The following SLC35B4 variants were observed in gnomAD, a reference collection of about 807,000 sequenced individuals.
The protein encoded by SLC35B4 is nucleotide sugar transporter SLC35B4.
In SLC35B4, 28 loss-of-function variants were observed where a neutral mutation model predicts 39.5. The observed-to-expected ratio is 0.71, with a 90% CI of 0.53 to 0.97. SLC35B4 has a LOEUF of 0.97. Ranked by LOEUF, SLC35B4 falls within the 50% of genes least tolerant of loss-of-function variation. SLC35B4 has a pLI of 0.00. For missense variants in SLC35B4, 334 were observed against 414.3 expected (o/e 0.81, Z 1.68); for synonymous variants, 145 against 150.4 (o/e 0.96, Z 0.26).
At chr7:134,318,538 A>T (rs943326130), upstream of SLC35B4, among the ~76,000 whole-genome samples, 64 of 152,262 alleles carry the variant, frequency 4.2e-4, no homozygotes, top group East Asian at 1.2e-3. Flanking sequence ...TCTACCTCAG[A>T]CCAAGTAAAG....
At chr7:134,319,680 T>C (rs1411587271), upstream of SLC35B4, among the ~76,000 whole-genome samples, 1 of 152,220 alleles carries the variant, frequency 6.6e-6, no homozygotes, top group Non-Finnish European at 1.5e-5. Context: ...TGTTCACTAA[T>C]GTTTCCCTGT....
chr7:134,297,845 A>C (rs1306638964), intron 8 of SLC35B4, among the ~76,000 whole-genome samples: 1 of 152,160 alleles, frequency 6.6e-6, no homozygotes, highest in Non-Finnish European at 1.5e-5. Flanking sequence ...AGACCAATCT[A>C]CCATTCTGGG....
At chr7:134,308,738 G>A (rs1803768069) in intron 2 of SLC35B4, among the ~76,000 whole-genome samples, 1 of 152,124 alleles carries the variant, frequency 6.6e-6, no homozygotes, top group African/African-American at 2.4e-5. Context: ...TCAGCAAGAA[G>A]GCTGAGTTTT....
At chr7:134,296,296 T>C in intron 9 of SLC35B4, 95 bp downstream of exon 9, 2 of 1,109,230 alleles carry the variant, frequency 1.8e-6, no homozygotes, top group Non-Finnish European at 2.7e-6. Context: ...AAAATCATAT[T>C]CAAGTCAACA....
At chr7:134,316,986 C>T (rs1244346619), upstream of SLC35B4, 2 of 554,708 alleles carry the variant, frequency 3.6e-6, no homozygotes, top group Non-Finnish European at 6.4e-6. Flanking sequence ...CGTCCGAGCC[C>T]CGGCCAGACT....
At chr7:134,295,326 G>T (rs987742160) in intron 9 of SLC35B4, 9 of 446,814 alleles carry the variant, frequency 2.0e-5, no homozygotes, top group Admixed American at 3.4e-5. Flanking sequence ...GTCTTCCTAT[G>T]GTTACAATGA....
chr7:134,289,879 C>T lies in SLC35B4; in HGVS notation c.*4954G>A, dbSNP rs1457717337. On this transcript the variant is annotated 3_prime_UTR_variant, in exon 10 of 10. Transcript: ENST00000378509. ...TTTCTTTTTTCACGTATCTCTGGCT[C>T]CCTTGCAACTTGCCTCACTTGATTA... 2 of 152,074 alleles carry T rather than the reference C, an allele frequency of 1.3e-5. No homozygotes were observed. Among genetic ancestry groups the T allele is most frequent in the Non-Finnish European group, 2.9e-5 (2 of 68,020 alleles). 9.4% of individuals were successfully genotyped at this position (152,074 alleles called of 1,614,324 possible). A position where few individuals can be genotyped will look rare whatever the true frequency, so the allele number is the denominator to read the frequency against.
At chr7:134,296,541 A>G in intron 8 of SLC35B4, 75 bp from the exon 9 acceptor site, 1 of 1,004,960 alleles carries the variant, frequency 1.0e-6, no homozygotes, top group East Asian at 2.5e-5. Context: ...ACAGGGTAAT[A>G]CAGACTGAAC....
rs1803323213 is a variant in SLC35B4 at position 134,291,231 on chromosome 7, T to TG, written c.*3601_*3602insC. On this transcript the variant is annotated 3_prime_UTR_variant, in exon 10 of 10. Coordinates refer to ENST00000378509, the MANE Select transcript of SLC35B4 (RefSeq NM_032826.5). ...TTAACCCTTCACATTCATCGTCATC[T>TG]ACAGATATGGCATTCACACATTCTG... 1 of 152,222 alleles carries TG rather than the reference T, an allele frequency of 6.6e-6. No individual in the cohort carries two copies. The highest frequency in any genetic ancestry group is 1.5e-5 in the Non-Finnish European group (1 of 68,040). 9.4% of individuals were successfully genotyped at this position (152,222 alleles called of 1,614,324 possible).
intron 8 of SLC35B4, chr7:134,299,199 G>A (rs148804249): frequency 7.2e-5 from 14 of 195,534 alleles, no homozygotes; most frequent in South Asian, 2.0e-4. Flanking sequence ...GCCCAACTTC[G>A]CAGGGCTCCA....
chr7:134,290,853 G>GA lies in SLC35B4; in HGVS notation c.*3979dup, dbSNP rs1265857980. ...TAATGCTATTTACTCCAGGCAAAGAGAAAATACAACAGACATAGGATCTTG... is the reference window on the plus strand; with the variant it reads ...TAATGCTATTTACTCCAGGCAAAGAGAAAAATACAACAGACATAGGATCTTG... On this transcript the variant is annotated 3_prime_UTR_variant, in exon 10 of 10. Transcript: ENST00000378509. 1 of 152,178 alleles carries GA rather than the reference G, an allele frequency of 6.6e-6. No homozygotes were observed. Among genetic ancestry groups the GA allele is most frequent in the Non-Finnish European group, 1.5e-5 (1 of 68,022 alleles). The allele number at this position is 152,178 out of a possible 1,614,324, so 9.4% of individuals were successfully genotyped here. A position where few individuals can be genotyped will look rare whatever the true frequency, so the allele number is the denominator to read the frequency against.
At position 134,294,703 on chromosome 7, in the gene SLC35B4, T is replaced by A. The variant is rs1312493452; in HGVS notation, c.*130A>T. On this transcript the variant is annotated 3_prime_UTR_variant, in exon 10 of 10. Transcript: ENST00000378509. ...CTGAGCAACGTGAGAAGTCCCCTCCTGAAGATTTCCTTTTGCACGGCTGGC... is the reference window on the plus strand; with the variant it reads ...CTGAGCAACGTGAGAAGTCCCCTCCAGAAGATTTCCTTTTGCACGGCTGGC... 2.5e-6 allele frequency: 3 copies of A among 1,212,182 alleles called. No homozygotes were observed. The East Asian group carries it at 7.3e-5, about 30-fold the overall frequency. The allele number at this position is 1,212,182 out of a possible 1,614,324, so 75.1% of individuals were successfully genotyped here.
Position 134,316,594 on chromosome 7 carries a change from G to A in SLC35B4, c.77+81C>T, listed in dbSNP as rs531025526. ...GGCGGCGGGGTGGGGACAGGGCGTG[G>A]GCGCGTCCCGGGGGGACCTCTCCTC... On this transcript the variant is annotated intron_variant, in intron 1 of 9. Coordinates refer to ENST00000378509, the MANE Select transcript of SLC35B4 (RefSeq NM_032826.5). The A allele has an allele frequency of 2.3e-4, 329 of 1,436,514 alleles. No individual in the cohort carries two copies. The African/African-American group carries it at 3.4e-3, about 15-fold the overall frequency. 89.0% of individuals were successfully genotyped at this position (1,436,514 alleles called of 1,614,324 possible).
Position 134,316,811 on chromosome 7 carries a change from C to T in SLC35B4, c.-60G>A. 6 of 1,512,174 alleles carry T rather than the reference C, an allele frequency of 4.0e-6. No individual in the cohort carries two copies. In the South Asian group the frequency reaches 6.0e-5, roughly 15 times the overall value. The allele number at this position is 1,512,174 out of a possible 1,614,324, so 93.7% of individuals were successfully genotyped here. A position where few individuals can be genotyped will look rare whatever the true frequency, so the allele number is the denominator to read the frequency against. ...GTAAGCGCCCGCCTGTACCGCTACCCCAGGAAGCCGGCCTCCTGCCTCTTC... is the reference window on the plus strand; with the variant it reads ...GTAAGCGCCCGCCTGTACCGCTACCTCAGGAAGCCGGCCTCCTGCCTCTTC... On this transcript the variant is annotated 5_prime_UTR_variant, in exon 1 of 10. Coordinates refer to ENST00000378509, the MANE Select transcript of SLC35B4 (RefSeq NM_032826.5).
Position 134,290,886 on chromosome 7 carries a change from C to A in SLC35B4, c.*3947G>T, listed in dbSNP as rs59201888. On this transcript the variant is annotated 3_prime_UTR_variant, in exon 10 of 10. Coordinates refer to ENST00000378509, the MANE Select transcript of SLC35B4 (RefSeq NM_032826.5). ...AACAGACATAGGATCTTGATTTCAA[C>A]GTAGTTCTCCTCCATGTGCATTTCT... 1.3e-5 allele frequency: 2 copies of A among 152,178 alleles called. No individual in the cohort carries two copies. The highest frequency in any genetic ancestry group is 2.9e-5 in the Non-Finnish European group (2 of 68,028). The allele number at this position is 152,178 out of a possible 1,614,324, so 9.4% of individuals were successfully genotyped here.
At position 134,291,702 on chromosome 7, in the gene SLC35B4, A is replaced by G. The variant is rs1803332562; in HGVS notation, c.*3131T>C. On this transcript the variant is annotated 3_prime_UTR_variant, in exon 10 of 10. Transcript: ENST00000378509. The stretch of plus-strand genomic sequence containing the variant: ...TGGAAAGGAGGAAAAAACTAAAAAC[A>G]AAGTATTTGGATTTGTCTAAATACT... 1 of 152,250 alleles carries G rather than the reference A, an allele frequency of 6.6e-6. No individual in the cohort carries two copies. The highest frequency in any genetic ancestry group is 6.5e-5 in the Admixed American group (1 of 15,288). 9.4% of individuals were successfully genotyped at this position (152,250 alleles called of 1,614,324 possible). A position where few individuals can be genotyped will look rare whatever the true frequency, so the allele number is the denominator to read the frequency against.
At chr7:134,311,784 T>C (rs538086928) in intron 1 of SLC35B4, among the ~76,000 whole-genome samples, 7 of 152,290 alleles carry the variant, frequency 4.6e-5, no homozygotes, top group Admixed American at 1.3e-4. Flanking sequence ...GATTGTCACA[T>C]GCAGCCAGGT....
rs546537504 is a variant in SLC35B4 at position 134,312,574 on chromosome 7, C to G, written c.78-3095G>C. Among the ~76,000 whole-genome samples the G allele has an allele frequency of 5.9e-5, 9 of 152,242 alleles. No individual in the cohort carries two copies. The South Asian group carries it at 1.7e-3, about 28-fold the overall frequency. ...TTCGGGTCAGTGACCCACCTTTACT[C>G]AAGCAAGAGAATGAATGTGAGGGTT... On this transcript the variant is annotated intron_variant, in intron 1 of 9. Coordinates refer to ENST00000378509, the MANE Select transcript of SLC35B4 (RefSeq NM_032826.5).
intron 3 of SLC35B4, among the ~76,000 whole-genome samples, chr7:134,305,284 T>C (rs1037781161): frequency 2.0e-4 from 31 of 151,762 alleles, no homozygotes; most frequent in Middle Eastern, 3.4e-3. Context: ...GATCGCGCCA[T>C]TGCACCTCCA....
Sources: allele counts gnomAD v4.1 joint callset (sites outside exome capture counted in the v4.1 genomes callset), GRCh38; gene constraint gnomAD v4.1.1; transcripts MANE v1.5; gene names NCBI Gene and HGNC (gene_info 2026-07-23, HGNC 2026-07-21).